METTL21A: variants seen among roughly 807,000 people sequenced by gnomAD.
METTL21A encodes methyltransferase 21A, HSPA lysine.
A neutral mutation model predicts 20.9 loss-of-function variants in METTL21A; 22 were observed. The observed-to-expected ratio is 1.05, with a 90% CI of 0.75 to 1.50. The LOEUF (loss-of-function observed/expected upper bound fraction) is 1.50. Among genes scored for constraint, METTL21A ranks in the 40% most tolerant of loss-of-function variants. The probability of loss-of-function intolerance (pLI) is 0.00; values close to 1 mark genes in which losing one functional copy is unlikely to be tolerated. For missense variants in METTL21A, 271 were observed against 266.8 expected (o/e 1.02, Z -0.11); for synonymous variants, 93 against 102.0 (o/e 0.91, Z 0.53).
At chr2:207,608,642 CTG>C (rs1258232721), downstream of METTL21A, among the ~76,000 whole-genome samples, 1 of 152,162 alleles carries the variant, frequency 6.6e-6, no homozygotes, top group African/African-American at 2.4e-5. Context: ...CTTAAAGAAA[CTG>C]AACTCTGCCG....
chr2:207,583,483 A>C (rs184540607), intron 3 of METTL21A, among the ~76,000 whole-genome samples: 4 of 152,242 alleles, frequency 2.6e-5, no homozygotes, highest in Non-Finnish European at 4.4e-5. Context: ...TACCAGTTAC[A>C]GTGCAGTATT....
At chr2:207,608,858 C>T (rs775641887), downstream of METTL21A, among the ~76,000 whole-genome samples, 3 of 152,180 alleles carry the variant, frequency 2.0e-5, no homozygotes, top group East Asian at 3.8e-4. Context: ...ATACGGGAGG[C>T]GGAGCTTGCA....
intron 3 of METTL21A, among the ~76,000 whole-genome samples, chr2:207,614,508 A>G (rs1190165457): frequency 6.6e-6 from 1 of 152,244 alleles, no homozygotes; most frequent in Non-Finnish European, 1.5e-5. Flanking sequence ...TTGGCTACTA[A>G]GAAATCCCAG....
intron 3 of METTL21A, among the ~76,000 whole-genome samples, chr2:207,583,045 C>G (rs977152765): frequency 6.6e-6 from 1 of 151,740 alleles, no homozygotes; most frequent in African/African-American, 2.4e-5. Context: ...AACAATATAA[C>G]AATTTTTTAA....
chr2:207,613,464 A>C, intron 3 of METTL21A, 21 bp from the exon 4 acceptor site: 1 of 1,551,912 alleles, frequency 6.4e-7, no homozygotes. Context: ...GAACAAAGAA[A>C]AAGTGATGTG....
At chr2:207,620,105 A>ATAG in intron 3 of METTL21A, among the ~76,000 whole-genome samples, 1 of 152,296 alleles carries the variant, frequency 6.6e-6, no homozygotes, top group African/African-American at 2.4e-5. Flanking sequence ...ATTTCCCCTT[A>ATAG]TAGTAACTCT....
chr2:207,613,187 T>C, exon 4 of METTL21A: 1 of 1,614,056 alleles, frequency 6.2e-7, no homozygotes, highest in South Asian at 1.1e-5. Context: ...GAATTCGGCA[T>C]GCTAAAAGAA....
downstream of METTL21A, among the ~76,000 whole-genome samples, chr2:207,604,618 A>C (rs571472743): frequency 6.6e-6 from 1 of 152,292 alleles, no homozygotes; most frequent in Non-Finnish European, 1.5e-5. Context: ...AATTCACATA[A>C]ATTAACTTTT....
chr2:207,607,220 T>G (rs2088248725), downstream of METTL21A, among the ~76,000 whole-genome samples: 2 of 152,092 alleles, frequency 1.3e-5, no homozygotes, highest in East Asian at 3.9e-4. Context: ...AAACCCCATC[T>G]CTACTAAAAA....
downstream of METTL21A, chr2:207,612,653 A>G (rs979731448): frequency 6.3e-6 from 1 of 159,338 alleles, no homozygotes; most frequent in Non-Finnish European, 1.4e-5. Flanking sequence ...TAAACATTGT[A>G]TATATCACAA....
At chr2:207,595,729 T>G (rs2106636784) in intron 3 of METTL21A, among the ~76,000 whole-genome samples, 1 of 152,304 alleles carries the variant, frequency 6.6e-6, no homozygotes, top group Non-Finnish European at 1.5e-5. Context: ...CACACTTGGC[T>G]AAATTTTTAA....
At chr2:207,597,143 C>A in intron 3 of METTL21A, 1 of 1,397,074 alleles carries the variant, frequency 7.2e-7, no homozygotes, top group Non-Finnish European at 9.6e-7. Flanking sequence ...ATTTTATTTT[C>A]TAAACATTTC....
At chr2:207,615,945 T>C (rs967116523) in intron 3 of METTL21A, among the ~76,000 whole-genome samples, 1 of 152,046 alleles carries the variant, frequency 6.6e-6, no homozygotes, top group African/African-American at 2.4e-5. Flanking sequence ...GAGAGGGTTT[T>C]GCCATGTTGT....
chr2:207,605,673 G>A (rs944634347), downstream of METTL21A, among the ~76,000 whole-genome samples: 3 of 152,144 alleles, frequency 2.0e-5, no homozygotes, highest in South Asian at 6.2e-4. Context: ...GGTACAAACA[G>A]TGGTTTATAA....
At chr2:207,594,161 TA>T (rs1250898179) in intron 3 of METTL21A, among the ~76,000 whole-genome samples, 2 of 152,362 alleles carry the variant, frequency 1.3e-5, no homozygotes, top group African/African-American at 4.8e-5. Flanking sequence ...AGCAGCTTGC[TA>T]AAGAATAATT....
chr2:207,624,475 A>C, intron 1 of METTL21A, 71 bp from the exon 2 acceptor site: 2 of 1,326,830 alleles, frequency 1.5e-6, no homozygotes, highest in Non-Finnish European at 2.0e-6. Context: ...CTAACTCCAA[A>C]TGCTTTTAAG....
At chr2:207,623,196 A>G (rs2107335065) in intron 2 of METTL21A, among the ~76,000 whole-genome samples, 1 of 152,260 alleles carries the variant, frequency 6.6e-6, no homozygotes, top group South Asian at 2.1e-4. Context: ...GAGCCACCAC[A>G]CCAGGCCTAT....
At chr2:207,582,903 A>T (rs2083175224) in intron 3 of METTL21A, 1 of 292,492 alleles carries the variant, frequency 3.4e-6, no homozygotes, top group Non-Finnish European at 6.8e-6. Context: ...AAAAACAAAC[A>T]AACAAACAAA....
chr2:207,624,414 A>C lies in METTL21A; in HGVS notation c.-29-10T>G, dbSNP rs778919582. ...CGCCCTCTGCTCAGACCTGCCGTGC[A>C]AAAGAATCCTGGGTGACGCTCTGGC... On this transcript the variant is annotated splice_polypyrimidine_tract_variant and intron_variant, in intron 1 of 3. Coordinates refer to ENST00000406927, the Ensembl canonical transcript of METTL21A. The C allele has an allele frequency of 1.9e-6, 3 of 1,591,094 alleles. No homozygotes were observed. The highest frequency in any genetic ancestry group is 3.6e-5 in the Admixed American group (2 of 54,830).
Sources: allele counts gnomAD v4.1 joint callset (sites outside exome capture counted in the v4.1 genomes callset), GRCh38; gene constraint gnomAD v4.1.1; transcripts MANE v1.5; gene names NCBI Gene and HGNC (gene_info 2026-07-23, HGNC 2026-07-21).